Variants in PTPRS observed in about 807,000 individuals in gnomAD.
PTPRS encodes protein tyrosine phosphatase receptor type S.
PTPRS carries 63 observed loss-of-function variants against 215.3 expected under a neutral mutation model. That is an observed-to-expected ratio of 0.29 (90% CI 0.24 to 0.36). The LOEUF is 0.36. Ranked by LOEUF, PTPRS falls within the 10% of genes least tolerant of loss-of-function variation. The pLI, the probability that PTPRS is intolerant of heterozygous loss-of-function variation, is 1.00. For synonymous variants in PTPRS, 1,404 were observed against 1,191.4 expected (o/e 1.18, Z -3.68); for missense variants, 2,258 against 2,825.8 (o/e 0.80, Z 4.56).
chr19:5,225,989 C>G (rs530034358), intron 16 of PTPRS, 145 bp from the exon 17 acceptor site: 12 of 671,732 alleles, frequency 1.8e-5, no homozygotes, highest in Non-Finnish European at 3.2e-5. Flanking sequence ...GCAGAGACCA[C>G]GACACGTGGC....
chr19:5,207,851 G>A lies in PTPRS; in HGVS notation c.5778+71C>T, dbSNP rs111638682. 48 of 1,579,258 alleles carry A rather than the reference G, an allele frequency of 3.0e-5. No homozygotes were observed. The African/African-American group carries it at 6.4e-4, about 21-fold the overall frequency. The stretch of plus-strand genomic sequence containing the variant: ...CAGGTGGCTGTACCCATCTCACAGA[G>A]GAGGAAACTGGAGCTTAGGGGCAGT... On this transcript the variant is annotated intron_variant, in intron 37 of 37. Coordinates refer to ENST00000262963, the MANE Select transcript of PTPRS (RefSeq NM_002850.4).
In PTPRS at chr19:5,210,395, C is replaced by T; in HGVS notation, c.5487+74G>A. 23 of 1,599,068 alleles carry T rather than the reference C, an allele frequency of 1.4e-5. No homozygotes were observed. The highest frequency in any genetic ancestry group is 2.0e-5 in the Non-Finnish European group (23 of 1,170,250). The stretch of plus-strand genomic sequence containing the variant: ...ATGCCTAACCCTTGGCCTTTGTATC[C>T]ATCACCAACCAGGGCAGCCCTTTCC... On this transcript the variant is annotated intron_variant, in intron 35 of 37. Transcript: ENST00000262963. The surrounding 1 kb of genome is among the most constrained non-coding windows in gnomAD (Gnocchi z 4.5).
At position 5,214,868 on chromosome 19, in the gene PTPRS, C is replaced by T. The variant is rs560491821; in HGVS notation, c.4319-132G>A. On this transcript the variant is annotated intron_variant, in intron 28 of 37. Transcript: ENST00000262963. ...CCCCAAGGTGACCATGGGACGTGTA[C>T]TTCACAGTTTCTCCCCCTCAGCGCC... The T allele has an allele frequency of 1.7e-4, 163 of 970,034 alleles. 3 individuals are homozygous for T. The highest frequency in any genetic ancestry group is 1.4e-3 in the South Asian group (82 of 57,476). The allele number at this position is 970,034 out of a possible 1,614,324, so 60.1% of individuals were successfully genotyped here.
chr19:5,273,622 G>T, intron 3 of PTPRS, 39 bp from the exon 4 acceptor site: 2 of 1,612,506 alleles, frequency 1.2e-6, no homozygotes, highest in Non-Finnish European at 1.7e-6. Flanking sequence ...AGTGAGGCTG[G>T]GGTCCCAGGA....
chr19:5,239,115 G>GACAGAAACAA (rs1568451049), intron 12 of PTPRS, 52 bp from the exon 13 acceptor site: 1 of 1,372,784 alleles, frequency 7.3e-7, no homozygotes, highest in Non-Finnish European at 1.0e-6. Context: ...GAGAGAGAGA[G>GACAGAAACAA]ACAGAAACAA....
At chr19:5,310,443 G>A (rs7508018) in intron 1 of PTPRS, among the ~76,000 whole-genome samples, 10 of 150,024 alleles carry the variant, frequency 6.7e-5, no homozygotes, top group East Asian at 2.0e-4. Context: ...TCAGCCTACC[G>A]AGTAGCTGGG....
chr19:5,290,353 G>GC (rs2048709202), intron 1 of PTPRS, among the ~76,000 whole-genome samples: 1 of 152,220 alleles, frequency 6.6e-6, no homozygotes, highest in Non-Finnish European at 1.5e-5. Context: ...TCTGGCCACT[G>GC]CGAGATCTCT....
At chr19:5,267,528 A>G (rs1242325016) in intron 4 of PTPRS, among the ~76,000 whole-genome samples, 6 of 151,866 alleles carry the variant, frequency 4.0e-5, no homozygotes, top group African/African-American at 7.3e-5. Flanking sequence ...ATGGTGGCGG[A>G]CGCCTGTAAT....
rs368756813 is a variant in PTPRS at position 5,265,922 on chromosome 19, C to A, written c.380-726G>T. ...GTTCATTTACAGCAGCCTGAGGACG[C>A]CTTTCTTTTTATCTTTTAAAAAATT... On this transcript the variant is annotated intron_variant, in intron 4 of 37. Transcript: ENST00000262963. Among the ~76,000 whole-genome samples the A allele has an allele frequency of 4.3e-4, 65 of 152,074 alleles. 1 individual carries two copies. The highest frequency in any genetic ancestry group is 7.2e-4 in the Non-Finnish European group (49 of 67,998).
chr19:5,298,248 G>A (rs1395022809), intron 1 of PTPRS, among the ~76,000 whole-genome samples: 1 of 152,200 alleles, frequency 6.6e-6, no homozygotes, highest in East Asian at 1.9e-4. Flanking sequence ...AACACTGTGA[G>A]GGACATTCTT....
rs1468203290 is a variant in PTPRS, at chr19:5,238,941, C to T, written c.1827G>A (p.Val609=). The T allele has an allele frequency of 1.2e-6, 2 of 1,609,550 alleles. No homozygotes were observed. The highest frequency in any genetic ancestry group is 3.4e-5 in the Admixed American group (2 of 59,428). ...PQGLGAFTPV[V]RQRTLQSKPS... ...TACTGGACTGCAGCGTGCGCTGCCG[C>T]ACCACGGGGGTGAAGGCGCCCAGGC... Residue 609 remains valine (V), a synonymous_variant, in exon 13 of 38, where the codon GTG becomes GTA. Coordinates refer to ENST00000262963, the MANE Select transcript of PTPRS (RefSeq NM_002850.4).
intron 4 of PTPRS, among the ~76,000 whole-genome samples, chr19:5,268,769 A>G (rs1230676701): frequency 6.6e-6 from 1 of 152,190 alleles, no homozygotes; most frequent in East Asian, 1.9e-4. Flanking sequence ...AGGCAGTCAC[A>G]CACTTGTCCC....
intron 1 of PTPRS, among the ~76,000 whole-genome samples, chr19:5,324,770 AG>A (rs1188823283): frequency 4.6e-5 from 7 of 152,196 alleles, no homozygotes; most frequent in African/African-American, 1.7e-4. Flanking sequence ...CAGATTCAAC[AG>A]GACCACGAGG....
At chr19:5,281,092 C>T (rs979301920) in intron 2 of PTPRS, among the ~76,000 whole-genome samples, 1 of 151,924 alleles carries the variant, frequency 6.6e-6, no homozygotes, top group Admixed American at 6.6e-5. Context: ...GCGCCTGGCC[C>T]CTCAACTCTT....
intron 12 of PTPRS, 60 bp from the exon 13 acceptor site, chr19:5,239,123 CAA>C: frequency 8.4e-7 from 1 of 1,195,522 alleles, no homozygotes; most frequent in Non-Finnish European, 1.2e-6. Context: ...GAGACAGAAA[CAA>C]AGGGGAGAGA....
At chr19:5,332,904 T>C (rs2147290234) in intron 1 of PTPRS, among the ~76,000 whole-genome samples, 1 of 152,352 alleles carries the variant, frequency 6.6e-6, no homozygotes. Context: ...ATCCCGGCAC[T>C]TTGGGAGGCC....
rs544541256 is a variant in PTPRS, at chr19:5,270,539, G to A, written c.379+2903C>T. ...TGCCCAGACTAGTCTCAAACTCCTG[G>A]GCTCAAGTGATCCTCTTGACTTGGC... On this transcript the variant is annotated intron_variant, in intron 4 of 37. Transcript: ENST00000262963. Among the ~76,000 whole-genome samples, 321 of 152,208 alleles carry A rather than the reference G, an allele frequency of 2.1e-3. 1 individual carries two copies. The highest frequency in any genetic ancestry group is 5.8e-3 in the African/African-American group (243 of 41,544).
chr19:5,285,356 C>A (rs1208151348), intron 2 of PTPRS, among the ~76,000 whole-genome samples: 3 of 152,164 alleles, frequency 2.0e-5, no homozygotes, highest in African/African-American at 4.8e-5. Context: ...TGGCATTGGG[C>A]CCCAGATGGA....
At chr19:5,223,530 A>G (rs2042201471) in intron 17 of PTPRS, among the ~76,000 whole-genome samples, 1 of 149,986 alleles carries the variant, frequency 6.7e-6, no homozygotes, top group South Asian at 2.1e-4. Flanking sequence ...TGCTAGGATT[A>G]TAAGGCCACT....
Sources: allele counts gnomAD v4.1 joint callset (sites outside exome capture counted in the v4.1 genomes callset), GRCh38; gene constraint gnomAD v4.1.1; non-coding constraint Gnocchi (gnomAD v3.1); transcripts MANE v1.5; gene names NCBI Gene and HGNC (gene_info 2026-07-23, HGNC 2026-07-21).